The following TRAPPC9 variants were observed in gnomAD, a reference collection of about 807,000 sequenced individuals.
TRAPPC9 encodes trafficking protein particle complex subunit 9.
In TRAPPC9, 83 loss-of-function variants were observed where a neutral mutation model predicts 124.0. The ratio of observed to expected loss-of-function variants is 0.67; its 90% CI spans 0.56 to 0.80. TRAPPC9 has a LOEUF of 0.80. Ranked by LOEUF, TRAPPC9 falls within the 30% of genes least tolerant of loss-of-function variation. The probability of loss-of-function intolerance (pLI) is 0.00; values close to 1 mark genes in which losing one functional copy is unlikely to be tolerated. For missense variants in TRAPPC9, 1,302 were observed against 1,508.3 expected (o/e 0.86, Z 2.27); for synonymous variants, 638 against 617.5 (o/e 1.03, Z -0.49).
At chr8:140,027,044 C>T (rs1255085268) in intron 17 of TRAPPC9, among the ~76,000 whole-genome samples, 2 of 152,116 alleles carry the variant, frequency 1.3e-5, no homozygotes, top group African/African-American at 2.4e-5. Flanking sequence ...AGGTGAGACT[C>T]GACACACACA....
intron 17 of TRAPPC9, among the ~76,000 whole-genome samples, chr8:140,217,948 TG>T (rs35923367): frequency 2.7e-5 from 4 of 149,698 alleles, no homozygotes; most frequent in Non-Finnish European, 5.9e-5. Context: ...ACCCAGGAGG[TG>T]GAGGTTGCAG....
At chr8:140,285,278 C>G (rs1588093653) in intron 13 of TRAPPC9, among the ~76,000 whole-genome samples, 1 of 152,332 alleles carries the variant, frequency 6.6e-6, no homozygotes, top group African/African-American at 2.4e-5. Context: ...TCAAGCCCTT[C>G]ACTCCTCGTT....
At chr8:140,245,899 T>C (rs1050610049) in intron 16 of TRAPPC9, among the ~76,000 whole-genome samples, 2 of 152,208 alleles carry the variant, frequency 1.3e-5, no homozygotes, top group African/African-American at 4.8e-5. Context: ...TCTCGACTCA[T>C]TAATCTATTA....
chr8:140,151,460 C>T (rs140849610), intron 17 of TRAPPC9, among the ~76,000 whole-genome samples: 254 of 152,286 alleles, frequency 1.7e-3, no homozygotes, highest in African/African-American at 5.9e-3. Flanking sequence ...ATCAAGACAT[C>T]GGCAGGATTG....
In TRAPPC9 at chr8:140,252,673, T is replaced by G; in HGVS notation, c.2431+104A>C. 7.2e-7 allele frequency: 1 copy of G among 1,388,006 alleles called. No homozygotes were observed. The highest frequency in any genetic ancestry group is 1.0e-6 in the Non-Finnish European group (1 of 989,538). 86.0% of individuals were successfully genotyped at this position (1,388,006 alleles called of 1,614,324 possible). On this transcript the variant is annotated intron_variant, in intron 16 of 22. Coordinates refer to ENST00000438773, the MANE Select transcript of TRAPPC9 (RefSeq NM_001160372.4). This position sits in a 1 kb window ranked among gnomAD's most constrained non-coding sequence, Gnocchi z 4.2. Reference sequence around the variant, plus strand: ...GTCTCAGGCAGCTTGAGTTAATGAATGACAAGTGAGTTACAAACAGCAAAC... The same window carrying G: ...GTCTCAGGCAGCTTGAGTTAATGAAGGACAAGTGAGTTACAAACAGCAAAC...
chr8:140,219,027 G>T (rs1293124789), intron 17 of TRAPPC9, among the ~76,000 whole-genome samples: 2 of 152,060 alleles, frequency 1.3e-5, no homozygotes, highest in African/African-American at 4.8e-5. Context: ...ACTGCAGCTG[G>T]CCTAAAGTCA....
intron 17 of TRAPPC9, among the ~76,000 whole-genome samples, chr8:140,135,924 C>T (rs985257644): frequency 9.2e-5 from 14 of 152,114 alleles, no homozygotes; most frequent in African/African-American, 2.7e-4. Flanking sequence ...TATAGAAAAG[C>T]GTAACAGAGT....
At chr8:139,927,999 T>C (rs934990476) in intron 19 of TRAPPC9, among the ~76,000 whole-genome samples, 1 of 152,252 alleles carries the variant, frequency 6.6e-6, no homozygotes, top group Non-Finnish European at 1.5e-5. Context: ...ACATTTGTTA[T>C]ACTGAATGTG....
intron 2 of TRAPPC9, among the ~76,000 whole-genome samples, chr8:140,443,363 G>A (rs943202901): frequency 5.3e-5 from 8 of 151,474 alleles, no homozygotes; most frequent in Non-Finnish European, 1.2e-4. Context: ...GTGAACCCGG[G>A]AGGCGGAGCT....
At chr8:139,758,183 G>A (rs1292888826) in intron 21 of TRAPPC9, among the ~76,000 whole-genome samples, 1 of 152,234 alleles carries the variant, frequency 6.6e-6, no homozygotes, top group Non-Finnish European at 1.5e-5. Context: ...CCTCAGGGCC[G>A]GGATGGCTGG....
intron 17 of TRAPPC9, among the ~76,000 whole-genome samples, chr8:140,171,166 T>C (rs948851164): frequency 6.6e-6 from 1 of 152,168 alleles, no homozygotes; most frequent in Non-Finnish European, 1.5e-5. Context: ...CACTTAGAGC[T>C]GGGGTTGGGC....
At chr8:140,331,263 T>C (rs574042353) in intron 9 of TRAPPC9, among the ~76,000 whole-genome samples, 1 of 152,118 alleles carries the variant, frequency 6.6e-6, no homozygotes, top group South Asian at 2.1e-4. Context: ...AAACTGGATA[T>C]AAGTATGCAG....
chr8:140,436,528 G>T (rs190239282), intron 3 of TRAPPC9, among the ~76,000 whole-genome samples: 2 of 152,254 alleles, frequency 1.3e-5, no homozygotes, highest in Non-Finnish European at 2.9e-5. Context: ...TCTACATTCA[G>T]TCTGCTGTGA....
intron 7 of TRAPPC9, among the ~76,000 whole-genome samples, chr8:140,384,495 G>A (rs1191961207): frequency 1.3e-5 from 2 of 152,116 alleles, no homozygotes; most frequent in Admixed American, 6.6e-5. Context: ...AACAAAAAAA[G>A]GCAGGGGTTG....
chr8:140,029,663 A>G (rs909630881), intron 17 of TRAPPC9, among the ~76,000 whole-genome samples: 1 of 150,642 alleles, frequency 6.6e-6, no homozygotes, highest in Admixed American at 6.6e-5. Context: ...TATACTCCCA[A>G]AAGAAACCCC....
At chr8:140,306,159 A>T (rs2066125066) in intron 10 of TRAPPC9, among the ~76,000 whole-genome samples, 1 of 152,152 alleles carries the variant, frequency 6.6e-6, no homozygotes, top group Non-Finnish European at 1.5e-5. Flanking sequence ...TTGGGGGAAA[A>T]AAGATCTTGC....
chr8:140,452,695 T>C (rs1041745412), intron 1 of TRAPPC9, among the ~76,000 whole-genome samples: 1 of 152,206 alleles, frequency 6.6e-6, no homozygotes, highest in Non-Finnish European at 1.5e-5. Flanking sequence ...ATCTGGCTCA[T>C]AGGAGATCCT....
chr8:140,355,441 G>A (rs942680493), intron 9 of TRAPPC9, among the ~76,000 whole-genome samples: 13 of 152,100 alleles, frequency 8.5e-5, no homozygotes, highest in African/African-American at 2.9e-4. Context: ...CATCCAAACC[G>A]AGATGATGAA....
chr8:140,302,435 T>C (rs1180018266), intron 10 of TRAPPC9, among the ~76,000 whole-genome samples: 1 of 152,234 alleles, frequency 6.6e-6, no homozygotes, highest in Non-Finnish European at 1.5e-5. Context: ...TATCTGTCTG[T>C]AGCTGCAGAA....
Sources: allele counts gnomAD v4.1 joint callset (sites outside exome capture counted in the v4.1 genomes callset), GRCh38; gene constraint gnomAD v4.1.1; non-coding constraint Gnocchi (gnomAD v3.1); transcripts MANE v1.5; gene names NCBI Gene and HGNC (gene_info 2026-07-23, HGNC 2026-07-21).